Variants in FYN observed in about 807,000 individuals in gnomAD.
The protein encoded by FYN is FYN proto-oncogene, Src family tyrosine kinase.
FYN carries 10 observed loss-of-function variants against 70.2 expected under a neutral mutation model. That is an observed-to-expected ratio of 0.14 (90% CI 0.09 to 0.24). FYN has a LOEUF of 0.24. Ranked by LOEUF, FYN falls within the 10% of genes least tolerant of loss-of-function variation. The probability of loss-of-function intolerance (pLI) is 1.00; values close to 1 mark genes in which losing one functional copy is unlikely to be tolerated. For missense variants in FYN, 319 were observed against 673.1 expected (o/e 0.47, Z 5.82); for synonymous variants, 236 against 248.6 (o/e 0.95, Z 0.48).
intron 13 of FYN, among the ~76,000 whole-genome samples, chr6:111,670,962 G>A (rs1798237708): frequency 6.6e-6 from 1 of 152,108 alleles, no homozygotes; most frequent in African/African-American, 2.4e-5. Flanking sequence ...TTCTAATCTT[G>A]AAGTAAAGAA....
chr6:111,794,131 C>T (rs1400485469), intron 2 of FYN, among the ~76,000 whole-genome samples: 2 of 152,322 alleles, frequency 1.3e-5, no homozygotes, highest in East Asian at 1.9e-4. Flanking sequence ...TGAGGACACC[C>T]GGGCCTTTCT....
intron 3 of FYN, among the ~76,000 whole-genome samples, chr6:111,780,203 G>A (rs1001877605): frequency 5.3e-5 from 8 of 152,034 alleles, no homozygotes; most frequent in South Asian, 2.1e-4. Context: ...TGGGTCACAC[G>A]GATCTCTCTG....
At chr6:111,674,366 G>A in intron 13 of FYN, 133 bp downstream of exon 13, 1 of 947,486 alleles carries the variant, frequency 1.1e-6, no homozygotes. Context: ...TGAATACCTG[G>A]CCATGTTCTT....
At chr6:111,713,235 C>G (rs976167062) in intron 5 of FYN, among the ~76,000 whole-genome samples, 1 of 152,144 alleles carries the variant, frequency 6.6e-6, no homozygotes, top group African/African-American at 2.4e-5. Context: ...TCCAAGGAGG[C>G]AGTTTTCAGG....
chr6:111,670,808 G>A (rs1190023159), intron 13 of FYN, among the ~76,000 whole-genome samples: 1 of 152,116 alleles, frequency 6.6e-6, no homozygotes, highest in African/African-American at 2.4e-5. Flanking sequence ...TGGAAGCAGA[G>A]GGGAAAAGAA....
chr6:111,850,271 T>C (rs1773647914), intron 1 of FYN, among the ~76,000 whole-genome samples: 1 of 152,224 alleles, frequency 6.6e-6, no homozygotes, highest in Non-Finnish European at 1.5e-5. Flanking sequence ...CAAGGTATAA[T>C]TTTCCCTTGC....
intron 3 of FYN, among the ~76,000 whole-genome samples, chr6:111,726,026 G>T (rs982226307): frequency 6.6e-6 from 1 of 152,188 alleles, no homozygotes; most frequent in African/African-American, 2.4e-5. Context: ...TGCCTTTAAA[G>T]ATGAAGGGGC....
In FYN at chr6:111,735,664, C is replaced by A. The variant is rs1346909243; in HGVS notation, c.-11-15602G>T. Among the ~76,000 whole-genome samples, 4 of 152,168 alleles carry A rather than the reference C, an allele frequency of 2.6e-5. No individual in the cohort carries two copies. In the East Asian group the frequency reaches 7.7e-4, roughly 29 times the overall value. Reference sequence around the variant, plus strand: ...AGAAAAGAGAAGCATGGGGGGGTGCCAGATCAAGAAGGCAAGGGTAGAAAG... The same window carrying A: ...AGAAAAGAGAAGCATGGGGGGGTGCAAGATCAAGAAGGCAAGGGTAGAAAG... On this transcript the variant is annotated intron_variant, in intron 3 of 13. Transcript: ENST00000354650.
chr6:111,849,643 C>T (rs1358534757), intron 1 of FYN, among the ~76,000 whole-genome samples: 1 of 152,106 alleles, frequency 6.6e-6, no homozygotes, highest in Non-Finnish European at 1.5e-5. Context: ...AAGAAGGCAG[C>T]CAGAAGTAGC....
chr6:111,834,809 TTAC>T (rs1773126534), intron 2 of FYN, among the ~76,000 whole-genome samples: 1 of 152,138 alleles, frequency 6.6e-6, no homozygotes, highest in Non-Finnish European at 1.5e-5. Flanking sequence ...GCTGCCCCAA[TTAC>T]TACTGAGTGG....
At chr6:111,732,112 G>A (rs188119307) in intron 3 of FYN, among the ~76,000 whole-genome samples, 43 of 152,324 alleles carry the variant, frequency 2.8e-4, no homozygotes, top group Non-Finnish European at 5.4e-4. Context: ...ACTTGTGGAT[G>A]ACCTACTTAA....
At chr6:111,867,392 T>G (rs1402861867) in intron 1 of FYN, among the ~76,000 whole-genome samples, 1 of 144,048 alleles carries the variant, frequency 6.9e-6, no homozygotes, top group Admixed American at 7.2e-5. Flanking sequence ...GAGGTGGAGG[T>G]TGCAGTGAGC....
chr6:111,744,892 T>C lies in FYN; in HGVS notation c.-11-24830A>G, dbSNP rs183083092. 1.8e-4 allele frequency among the ~76,000 whole-genome samples: 27 copies of C among 152,318 alleles called. No homozygotes were observed. The East Asian group carries it at 5.2e-3, about 29-fold the overall frequency. ...TTTTTCTCTTAGAATTAGGTAGGAA[T>C]ACCCTTATGCAGAGGAGAGGTAGAA... is the stretch of plus-strand genomic sequence containing the variant. On this transcript the variant is annotated intron_variant, in intron 3 of 13. Coordinates refer to ENST00000354650, the MANE Select transcript of FYN (RefSeq NM_002037.5).
intron 5 of FYN, among the ~76,000 whole-genome samples, chr6:111,712,232 C>T (rs766714959): frequency 3.9e-4 from 59 of 152,232 alleles, no homozygotes; most frequent in Non-Finnish European, 7.3e-4. Flanking sequence ...GCTGGGTCTG[C>T]ACTCTTACTA....
intron 12 of FYN, among the ~76,000 whole-genome samples, chr6:111,689,942 A>G (rs1799235776): frequency 6.6e-6 from 1 of 152,194 alleles, no homozygotes; most frequent in Non-Finnish European, 1.5e-5. Flanking sequence ...AAAGAACAAA[A>G]AGGTATCCAC....
intron 3 of FYN, among the ~76,000 whole-genome samples, chr6:111,773,785 G>T (rs1338440635): frequency 6.6e-6 from 1 of 152,088 alleles, no homozygotes; most frequent in Non-Finnish European, 1.5e-5. Flanking sequence ...GTTGCCCTGG[G>T]TTCCTTTTCA....
chr6:111,679,278 G>A (rs908315668), intron 12 of FYN, among the ~76,000 whole-genome samples: 7 of 152,136 alleles, frequency 4.6e-5, no homozygotes, highest in Non-Finnish European at 8.8e-5. Context: ...TAAAGACTGC[G>A]GTAGGTTTCC....
intron 2 of FYN, among the ~76,000 whole-genome samples, chr6:111,792,480 A>C (rs1456966555): frequency 6.6e-6 from 1 of 152,198 alleles, no homozygotes; most frequent in East Asian, 1.9e-4. Context: ...TCCTACAGAA[A>C]TGCTACATAT....
intron 3 of FYN, among the ~76,000 whole-genome samples, chr6:111,738,536 G>A (rs1338311398): frequency 6.6e-6 from 1 of 152,234 alleles, no homozygotes; most frequent in East Asian, 1.9e-4. Flanking sequence ...TAACTATTCT[G>A]AGGATCTGGG....
Sources: gnomAD v4.1 joint callset for allele counts (sites outside exome capture counted in the v4.1 genomes callset) on GRCh38, gnomAD v4.1.1 for gene constraint, MANE v1.5 for transcripts, NCBI Gene and HGNC (gene_info 2026-07-23, HGNC 2026-07-21) for gene names.